Variants in PDE10A observed in about 807,000 individuals in gnomAD.
PDE10A encodes the protein cAMP and cAMP-inhibited cGMP 3',5'-cyclic phosphodiesterase 10A.
A neutral mutation model predicts 97.7 loss-of-function variants in PDE10A; 39 were observed. The observed-to-expected ratio is 0.40, with a 90% CI of 0.31 to 0.52. PDE10A has a LOEUF of 0.52. Ranked by LOEUF, PDE10A falls within the 20% of genes least tolerant of loss-of-function variation. The pLI, the probability that PDE10A is intolerant of heterozygous loss-of-function variation, is 0.56. For synonymous variants in PDE10A, 371 were observed against 376.8 expected, an observed-to-expected ratio of 0.98 and a Z score of 0.18; for missense variants, 731 against 1,047.8, an observed-to-expected ratio of 0.70 and a Z score of 4.17.
At chr6:165,978,814 A>T (rs1376210924) in intron 1 of PDE10A, among the ~76,000 whole-genome samples, 1 of 152,208 alleles carries the variant, frequency 6.6e-6, no homozygotes, top group Non-Finnish European at 1.5e-5. Flanking sequence ...AATTGTGGTC[A>T]TGTACAGGAA....
At chr6:165,704,264 T>A (rs1791651784) in intron 1 of PDE10A, among the ~76,000 whole-genome samples, 2 of 152,062 alleles carry the variant, frequency 1.3e-5, no homozygotes, top group African/African-American at 4.8e-5. Flanking sequence ...CTGCTGGTGC[T>A]CCTTCAAAGA....
chr6:165,556,291 C>T (rs574724534), intron 1 of PDE10A, among the ~76,000 whole-genome samples: 54 of 152,244 alleles, frequency 3.5e-4, no homozygotes, highest in African/African-American at 1.2e-3. Flanking sequence ...AAATATTCAA[C>T]CTTGAGAGCT....
chr6:165,714,328 C>A (rs933662428), intron 1 of PDE10A, among the ~76,000 whole-genome samples: 3 of 152,198 alleles, frequency 2.0e-5, no homozygotes, highest in Non-Finnish European at 4.4e-5. Context: ...AAGCGGGGAA[C>A]AGGAGTCACA....
chr6:165,762,517 G>A (rs1319220781), intron 1 of PDE10A, among the ~76,000 whole-genome samples: 1 of 151,430 alleles, frequency 6.6e-6, no homozygotes, highest in Non-Finnish European at 1.5e-5. Flanking sequence ...ATGGTAGTGG[G>A]CAAGGGAGGA....
At chr6:165,399,945 A>G (rs1452015138) in intron 13 of PDE10A, among the ~76,000 whole-genome samples, 1 of 152,190 alleles carries the variant, frequency 6.6e-6, no homozygotes, top group African/African-American at 2.4e-5. Context: ...ATACCCAGTA[A>G]TGGGATTGTT....
At position 165,794,052 on chromosome 6, in the gene PDE10A, G is replaced by A. The variant is rs575411844; in HGVS notation, c.-615+193477C>T. Among the ~76,000 whole-genome samples, 10 of 152,124 alleles carry A rather than the reference G, an allele frequency of 6.6e-5. No individual in the cohort carries two copies. The East Asian group carries it at 9.7e-4, about 15-fold the overall frequency. On this transcript the variant is annotated intron_variant, in intron 1 of 19. Coordinates refer to the PDE10A transcript ENST00000366882. ...CAAAGAGAGACAGGATTCAAAAGTCGAGCCGTTTGACTGCATGCTCCAGCC... is the reference window on the plus strand; with the variant it reads ...CAAAGAGAGACAGGATTCAAAAGTCAAGCCGTTTGACTGCATGCTCCAGCC...
intron 1 of PDE10A, among the ~76,000 whole-genome samples, chr6:165,830,442 C>T (rs1349683948): frequency 6.6e-6 from 1 of 152,104 alleles, no homozygotes; most frequent in Non-Finnish European, 1.5e-5. Context: ...TCCGAAATAA[C>T]TCAAATGGCT....
intron 1 of PDE10A, among the ~76,000 whole-genome samples, chr6:165,897,670 C>A (rs947468734): frequency 6.7e-6 from 1 of 149,064 alleles, no homozygotes; most frequent in African/African-American, 2.5e-5. Context: ...TTGCTTCCTG[C>A]CCTGGAGTGA....
At chr6:165,867,843 G>A (rs1781101498) in intron 1 of PDE10A, among the ~76,000 whole-genome samples, 1 of 151,892 alleles carries the variant, frequency 6.6e-6, no homozygotes, top group Admixed American at 6.6e-5. Flanking sequence ...AGACTACAAT[G>A]GAACAAAACT....
At chr6:165,549,604 G>T (rs150130568) in intron 1 of PDE10A, among the ~76,000 whole-genome samples, 1 of 152,158 alleles carries the variant, frequency 6.6e-6, no homozygotes, top group Non-Finnish European at 1.5e-5. Context: ...GATCACAGAC[G>T]TGAGCCACCA....
intron 1 of PDE10A, among the ~76,000 whole-genome samples, chr6:165,622,135 C>G (rs1014677685): frequency 2.0e-5 from 3 of 152,134 alleles, no homozygotes; most frequent in Admixed American, 2.0e-4. Context: ...CAGCCTGCTG[C>G]TCTGTAGAAA....
intron 1 of PDE10A, among the ~76,000 whole-genome samples, chr6:165,816,394 A>T (rs1274874668): frequency 6.6e-6 from 1 of 152,208 alleles, no homozygotes; most frequent in Non-Finnish European, 1.5e-5. Context: ...TTCTATTTAA[A>T]GGGACTGATG....
At chr6:165,576,173 T>C (rs1026849216) in intron 1 of PDE10A, among the ~76,000 whole-genome samples, 2 of 152,188 alleles carry the variant, frequency 1.3e-5, no homozygotes, top group African/African-American at 4.8e-5. Context: ...AACTAACCCA[T>C]CCAGTATGAA....
chr6:165,390,503 G>T (rs538582056), intron 16 of PDE10A, among the ~76,000 whole-genome samples: 3 of 152,168 alleles, frequency 2.0e-5, no homozygotes, highest in Non-Finnish European at 4.4e-5. Context: ...GTAAAAAACT[G>T]CATGCGTACA....
intron 9 of PDE10A, 140 bp from the exon 10 acceptor site, chr6:165,428,849 CAA>C (rs370523218): frequency 8.2e-4 from 335 of 410,968 alleles, no homozygotes; most frequent in Middle Eastern, 1.9e-3. Flanking sequence ...TCTGCTTTGG[CAA>C]AAAAAAAAAT....
chr6:165,364,363 C>A (rs887869025), intron 18 of PDE10A, among the ~76,000 whole-genome samples: 1 of 152,084 alleles, frequency 6.6e-6, no homozygotes, highest in Admixed American at 6.5e-5. Context: ...TCTCTAGGAA[C>A]CAGAAAACAG....
chr6:165,364,032 A>G (rs1280788751), intron 18 of PDE10A, among the ~76,000 whole-genome samples: 1 of 152,240 alleles, frequency 6.6e-6, no homozygotes, highest in Non-Finnish European at 1.5e-5. Flanking sequence ...TGGAATTGCT[A>G]GAGACCCAGA....
At chr6:165,532,204 A>G (rs1428940466) in intron 2 of PDE10A, among the ~76,000 whole-genome samples, 1 of 151,792 alleles carries the variant, frequency 6.6e-6, no homozygotes, top group Non-Finnish European at 1.5e-5. Flanking sequence ...CAATCACAGG[A>G]GCTCTGCTTT....
intron 1 of PDE10A, among the ~76,000 whole-genome samples, chr6:165,684,682 G>C (rs548019064): frequency 1.3e-5 from 2 of 152,130 alleles, no homozygotes; most frequent in Admixed American, 1.3e-4. Context: ...CTCTATTTGG[G>C]TATTTTTGTG....
Sources: gnomAD v4.1 joint callset for allele counts (sites outside exome capture counted in the v4.1 genomes callset) on GRCh38, gnomAD v4.1.1 for gene constraint, MANE v1.5 for transcripts, NCBI Gene and HGNC (gene_info 2026-07-23, HGNC 2026-07-21) for gene names.